Variants in BOC observed in about 807,000 individuals in gnomAD.
The protein encoded by BOC is BOC cell adhesion associated, oncogene regulated.
Under a neutral mutation model 112.0 loss-of-function variants are expected in BOC, and 76 were observed. That is an observed-to-expected ratio of 0.68 (90% CI 0.56 to 0.82). BOC has a LOEUF of 0.82. BOC is among the 40% of genes least tolerant of loss of function. BOC has a pLI of 0.00. For missense variants in BOC, 1,309 were observed against 1,511.7 expected (o/e 0.87, Z 2.22); for synonymous variants, 580 against 599.8 (o/e 0.97, Z 0.48).
chr3:113,225,629 C>T (rs942247527), intron 2 of BOC, among the ~76,000 whole-genome samples: 1 of 152,236 alleles, frequency 6.6e-6, no homozygotes, highest in Non-Finnish European at 1.5e-5. Context: ...TTACATGTCC[C>T]AGGTTTGTGC....
In BOC at chr3:113,270,962, C is replaced by G; in HGVS notation, c.667+18C>G. On this transcript the variant is annotated intron_variant, in intron 6 of 19. Coordinates refer to ENST00000682979, the MANE Select transcript of BOC (RefSeq NM_001378074.1). ...TGTGCGCCGTAAGGCCCGGGCCCAC[C>G]TGCTGGGGGATGGGGGATCACTGAT... 5 of 1,614,040 alleles carry G rather than the reference C, an allele frequency of 3.1e-6. No homozygotes were observed. The highest frequency in any genetic ancestry group is 4.2e-6 in the Non-Finnish European group (5 of 1,180,038).
intron 15 of BOC, among the ~76,000 whole-genome samples, chr3:113,282,506 A>G (rs925308414): frequency 6.6e-6 from 1 of 152,214 alleles, no homozygotes; most frequent in African/African-American, 2.4e-5. Flanking sequence ...TTCATGAGAA[A>G]GGAACAAGGT....
chr3:113,225,946 T>G (rs1219800500), intron 2 of BOC, among the ~76,000 whole-genome samples: 1 of 152,204 alleles, frequency 6.6e-6, no homozygotes, highest in Non-Finnish European at 1.5e-5. Context: ...CCTTCACTTC[T>G]AAATCTCACT....
At chr3:113,277,326 G>A (rs760440268) in intron 9 of BOC, among the ~76,000 whole-genome samples, 104 of 152,098 alleles carry the variant, frequency 6.8e-4, no homozygotes, top group Admixed American at 1.2e-3. Context: ...CCTCATTGGT[G>A]AAATGCAGAG....
chr3:113,275,999 T>A (rs558970870), intron 9 of BOC, among the ~76,000 whole-genome samples: 4 of 152,310 alleles, frequency 2.6e-5, no homozygotes, highest in Admixed American at 1.3e-4. Flanking sequence ...CCTGCTGGCC[T>A]CTTCATAGGC....
At chr3:113,225,117 C>A (rs1348080347) in intron 2 of BOC, among the ~76,000 whole-genome samples, 2 of 149,362 alleles carry the variant, frequency 1.3e-5, no homozygotes, top group East Asian at 2.0e-4. Context: ...AACAAAAAAC[C>A]ACAAAAATAA....
At chr3:113,231,842 T>G (rs1942659765) in intron 2 of BOC, among the ~76,000 whole-genome samples, 1 of 152,218 alleles carries the variant, frequency 6.6e-6, no homozygotes, top group South Asian at 2.1e-4. Context: ...TCTGTTCATT[T>G]AATCAACAAA....
At chr3:113,218,501 C>T (rs1415902795) in intron 2 of BOC, among the ~76,000 whole-genome samples, 2 of 152,144 alleles carry the variant, frequency 1.3e-5, no homozygotes, top group Admixed American at 1.3e-4. Flanking sequence ...ATAGCTGTGC[C>T]CAAGTGAGAG....
intron 4 of BOC, 152 bp downstream of exon 4, chr3:113,250,985 T>A: frequency 1.0e-6 from 1 of 972,876 alleles, no homozygotes; most frequent in Non-Finnish European, 1.5e-6. Flanking sequence ...AGCTGCCTAG[T>A]AATGCCCAGT....
chr3:113,283,699 C>G (rs1332802742), intron 16 of BOC, 67 bp downstream of exon 16: 7 of 1,439,560 alleles, frequency 4.9e-6, no homozygotes, highest in Non-Finnish European at 5.8e-6. Flanking sequence ...AAGGAGGCCT[C>G]TGCCTAGGTC....
rs1343927387 is a variant in BOC, at chr3:113,278,148, G to A, written c.1596G>A (p.Gln532=). The change falls in exon 10 of 20, where the codon CAG becomes CAA. Residue 532 remains glutamine, a synonymous_variant. Transcript: ENST00000682979. The surrounding 1 kb of genome is among the most constrained non-coding windows in gnomAD (Gnocchi z 4.2). Reference sequence around the variant, plus strand: ...CCATCTCTGGCATTCCAGCCAACCAGCACCGCCTGACCCTCACCAGACTTG... The same window carrying A: ...CCATCTCTGGCATTCCAGCCAACCAACACCGCCTGACCCTCACCAGACTTG... ...DWTISGIPAN[Q]HRLTLTRLDP... 6.2e-7 allele frequency: 1 copy of A among 1,614,202 alleles called. No individual in the cohort carries two copies.
At position 113,286,298 on chromosome 3, in the gene BOC, G is replaced by T. The variant is rs529004611; in HGVS notation, c.3161-377G>T. On this transcript the variant is annotated intron_variant, in intron 19 of 19. Coordinates refer to ENST00000682979, the MANE Select transcript of BOC (RefSeq NM_001378074.1). ...TAAACTGGACCGTGTCAATCTGGGG[G>T]GACTGGATTGTGAGTGGGATGATTG... 2.0e-5 allele frequency among the ~76,000 whole-genome samples: 3 copies of T among 152,232 alleles called. No individual in the cohort carries two copies. In the South Asian group the frequency reaches 6.3e-4, roughly 32 times the overall value.
At chr3:113,245,938 C>A (rs891795566) in intron 2 of BOC, among the ~76,000 whole-genome samples, 6 of 152,234 alleles carry the variant, frequency 3.9e-5, no homozygotes, top group Admixed American at 2.0e-4. Context: ...GTGGTGTTCT[C>A]ACTCTTGATC....
rs1416514823 is a variant in BOC, at chr3:113,273,178, G to A, written c.1071G>A (p.Leu357=). ...ACCCCCCGCCCTCCGTGCTGTGGCT[G>A]AGGAATGCTGTGCCCCTCATCTCCA... The part of the protein sequence containing the change: ...RGNPPPSVLW[L]RNAVPLISSQ... The change falls in exon 8 of 20, where the codon CTG becomes CTA. Residue 357 remains leucine, a synonymous_variant. Coordinates refer to ENST00000682979, the MANE Select transcript of BOC (RefSeq NM_001378074.1). The A allele has an allele frequency of 6.2e-7, 1 of 1,613,934 alleles. No individual in the cohort carries two copies. The highest frequency in any genetic ancestry group is 8.5e-7 in the Non-Finnish European group (1 of 1,180,034).
chr3:113,262,710 G>A (rs1458384132), intron 4 of BOC, among the ~76,000 whole-genome samples: 3 of 152,188 alleles, frequency 2.0e-5, no homozygotes, highest in Non-Finnish European at 2.9e-5. Context: ...CTGCCATGGC[G>A]TTTCACTTGC....
chr3:113,279,494 C>T (rs1481655263), intron 12 of BOC, 39 bp downstream of exon 12: 2 of 1,584,980 alleles, frequency 1.3e-6, no homozygotes, highest in Non-Finnish European at 1.7e-6. Context: ...GCCTGATCCC[C>T]CAGCTGCCCC....
rs777774107 is a variant in BOC, at chr3:113,285,516, C to T, written c.3111C>T (p.Ala1037=). Reference sequence around the variant, plus strand: ...TGGGCCAGTCAGGGGTGAGGAGAGCCCCCGACAGTCCTGTCCTGGAAGCAG... The same window carrying T: ...TGGGCCAGTCAGGGGTGAGGAGAGCTCCCGACAGTCCTGTCCTGGAAGCAG... The part of the protein sequence containing the change: ...AAVGQSGVRR[A]PDSPVLEAVW... The change falls in exon 19 of 20, where the codon GCC becomes GCT. Residue 1037 remains alanine, a synonymous_variant. Coordinates refer to ENST00000682979, the MANE Select transcript of BOC (RefSeq NM_001378074.1). The T allele has an allele frequency of 3.1e-6, 5 of 1,612,078 alleles. No individual in the cohort carries two copies. The South Asian group carries it at 4.4e-5, about 14-fold the overall frequency.
Position 113,229,573 on chromosome 3 carries a change from T to G in BOC, c.-82+13299T>G, listed in dbSNP as rs371631823. On this transcript the variant is annotated intron_variant, in intron 2 of 19. Transcript: ENST00000682979. The stretch of plus-strand genomic sequence containing the variant: ...GTAGATGTTCTTTGCAATGGCGGCC[T>G]CCTCTTTCATCTTTATTTCTGTGCA... 4.6e-5 allele frequency among the ~76,000 whole-genome samples: 7 copies of G among 152,290 alleles called. No individual in the cohort carries two copies. In the East Asian group the frequency reaches 1.3e-3, roughly 29 times the overall value.
Position 113,270,922 on chromosome 3 carries a change from C to T in BOC, c.645C>T (p.Ser215=). 1.2e-6 allele frequency: 2 copies of T among 1,614,234 alleles called. No individual in the cohort carries two copies. The highest frequency in any genetic ancestry group is 1.7e-6 in the Non-Finnish European group (2 of 1,180,046). The change falls in exon 6 of 20, where the codon TCC becomes TCT. Residue 215 remains serine, a synonymous_variant. Coordinates refer to ENST00000682979, the MANE Select transcript of BOC (RefSeq NM_001378074.1). ...PVTQEVKTSG[S]SDRLRVRRST... is the part of the protein sequence containing the mutation. ...CCCAGGAAGTGAAAACCTCCGGCTC[C>T]AGCGACAGGCTACGTGTGCGCCGTA... is the stretch of plus-strand genomic sequence containing the variant.
Sources: gnomAD v4.1 joint callset for allele counts (sites outside exome capture counted in the v4.1 genomes callset) on GRCh38, gnomAD v4.1.1 for gene constraint, Gnocchi (gnomAD v3.1) non-coding constraint, MANE v1.5 for transcripts, NCBI Gene and HGNC (gene_info 2026-07-23, HGNC 2026-07-21) for gene names.